Variants in UNC13C observed in about 807,000 individuals in gnomAD.
UNC13C encodes protein unc-13 homolog C.
UNC13C carries 174 observed loss-of-function variants against 245.4 expected under a neutral mutation model. The ratio of observed to expected loss-of-function variants is 0.71; its 90% CI spans 0.63 to 0.80. The LOEUF (loss-of-function observed/expected upper bound fraction) is 0.80, where lower values mean the gene tolerates loss of function less well. Ranked by LOEUF, UNC13C falls within the 30% of genes least tolerant of loss-of-function variation. UNC13C has a pLI of 0.00. For missense variants in UNC13C, 2,829 were observed against 2,602.9 expected (o/e 1.09, Z -1.89); for synonymous variants, 992 against 895.1 (o/e 1.11, Z -1.93).
At chr15:53,932,098 C>T in the UNC13C span, among the ~76,000 whole-genome samples, 1 of 152,060 alleles carries the variant, frequency 6.6e-6, no homozygotes, top group African/African-American at 2.4e-5. Context: ...ATCATAAAGT[C>T]AAGAGATTGA....
chr15:53,962,169 G>A, the UNC13C span, among the ~76,000 whole-genome samples: 1 of 152,052 alleles, frequency 6.6e-6, no homozygotes, highest in Non-Finnish European at 1.5e-5. Context: ...ATTCCTGCTT[G>A]TATTTTGTTT....
intron 2 of UNC13C, among the ~76,000 whole-genome samples, chr15:54,041,931 G>C (rs1896821975): frequency 6.6e-6 from 1 of 152,188 alleles, no homozygotes. Flanking sequence ...TAGTTGATAA[G>C]ATTTGTGTAA....
At chr15:54,115,974 G>A (rs2030214535) in intron 2 of UNC13C, among the ~76,000 whole-genome samples, 1 of 128,040 alleles carries the variant, frequency 7.8e-6, no homozygotes, top group African/African-American at 2.5e-5. Context: ...ACCTCATTGG[G>A]TTATTTTTAT....
intron 4 of UNC13C, among the ~76,000 whole-genome samples, chr15:54,149,785 A>C (rs2032437754): frequency 6.6e-6 from 1 of 152,254 alleles, no homozygotes; most frequent in African/African-American, 2.4e-5. Flanking sequence ...TTGATTGAGA[A>C]TATGCTAAAC....
the UNC13C span, among the ~76,000 whole-genome samples, chr15:53,944,205 G>T: frequency 6.6e-6 from 1 of 152,038 alleles, no homozygotes; most frequent in Non-Finnish European, 1.5e-5. Context: ...ACTTCAAAAA[G>T]AAAAGAAATT....
chr15:54,238,868 T>C (rs1451865666), intron 7 of UNC13C, among the ~76,000 whole-genome samples: 1 of 152,208 alleles, frequency 6.6e-6, no homozygotes, highest in Non-Finnish European at 1.5e-5. Flanking sequence ...TCCGGCTCAC[T>C]GGAACTCTTG....
intron 2 of UNC13C, among the ~76,000 whole-genome samples, chr15:54,119,843 C>G (rs956472720): frequency 1.2e-4 from 18 of 152,144 alleles, no homozygotes; most frequent in Non-Finnish European, 2.4e-4. Context: ...TCATATCAGC[C>G]ACAACATTCT....
chr15:54,435,989 A>C (rs2140982684), intron 19 of UNC13C, among the ~76,000 whole-genome samples: 1 of 152,194 alleles, frequency 6.6e-6, no homozygotes, highest in African/African-American at 2.4e-5. Context: ...GAAAAAGCTC[A>C]TCATCACTGG....
chr15:54,227,399 A>C (rs11635678), intron 4 of UNC13C, among the ~76,000 whole-genome samples: 81,302 of 151,938 alleles, frequency 0.54, 22,985 homozygotes, highest in African/African-American at 0.71. Flanking sequence ...CCTTTCCACC[A>C]TGGAGCCTGC....
At chr15:54,316,137 G>T (rs1006469566) in intron 13 of UNC13C, among the ~76,000 whole-genome samples, 1 of 151,846 alleles carries the variant, frequency 6.6e-6, no homozygotes, top group African/African-American at 2.4e-5. Flanking sequence ...TTTACTCTAA[G>T]ATTTTGAACT....
At chr15:54,451,063 G>C (rs1891146593) in intron 19 of UNC13C, among the ~76,000 whole-genome samples, 1 of 151,986 alleles carries the variant, frequency 6.6e-6, no homozygotes, top group Non-Finnish European at 1.5e-5. Context: ...TATCATCTCT[G>C]TAAGAGATGT....
chr15:54,305,681 GA>G (rs2037707362), intron 13 of UNC13C, among the ~76,000 whole-genome samples: 1 of 151,958 alleles, frequency 6.6e-6, no homozygotes, highest in South Asian at 2.1e-4. Context: ...CGCAACATTT[GA>G]AGCCTGTCTC....
At chr15:54,344,353 A>G (rs2038809237) in intron 17 of UNC13C, among the ~76,000 whole-genome samples, 2 of 152,314 alleles carry the variant, frequency 1.3e-5, no homozygotes, top group South Asian at 2.1e-4. Flanking sequence ...ACAAAAAGTA[A>G]ATGAATTATG....
At chr15:54,507,314 G>A (rs1465970403) in intron 23 of UNC13C, 120 bp downstream of exon 23, 2 of 669,098 alleles carry the variant, frequency 3.0e-6, no homozygotes, top group Non-Finnish European at 4.9e-6. Flanking sequence ...AAGAAATAAG[G>A]ATCTTAAGAA....
intron 30 of UNC13C, among the ~76,000 whole-genome samples, chr15:54,573,692 G>A (rs1897848757): frequency 6.6e-6 from 1 of 152,180 alleles, no homozygotes; most frequent in Non-Finnish European, 1.5e-5. Flanking sequence ...CCCCTCAGGA[G>A]ACATATGGCA....
rs758665160 is a variant in UNC13C at position 54,013,229 on chromosome 15, C to T, written c.326C>T (p.Thr109Ile). The T allele has an allele frequency of 6.2e-7, 1 of 1,613,710 alleles. No individual in the cohort carries two copies. The highest frequency in any genetic ancestry group is 1.7e-5 in the Admixed American group (1 of 59,884). The change falls in exon 2 of 33, where the codon ACC becomes ATC. Residue 109 changes from threonine (T) to isoleucine (I), a missense_variant. Physicochemically the swap from Thr to Ile is moderately conservative, Grantham distance 89. Transcript: ENST00000260323. ...GGCCTACAAAAGAATGCTAAAGTAA[C>T]CAACAGTGATAATGAGGATCTGCTT... ...ANGLQKNAKV[T>I]NSDNEDLLQE... is the part of the protein sequence containing the mutation.
In UNC13C at chr15:54,075,455, TTGCAGTGAGCC is replaced by T. The variant is rs1566993399; in HGVS notation, c.2983+59570_2983+59580del. Among the ~76,000 whole-genome samples the T allele has an allele frequency of 9.1e-5, 13 of 143,184 alleles. No homozygotes were observed. The East Asian group carries it at 2.8e-3, about 31-fold the overall frequency. The allele number at this position is 143,184 out of a possible 152,430, so 93.9% of individuals were successfully genotyped here. On this transcript the variant is annotated intron_variant, in intron 2 of 32. Transcript: ENST00000260323. ...GCCGGAGCTTGCAGTGAGCCGGAGC[TTGCAGTGAGCC>T]GGAGCTTGCAGTGAGCCGGAGCTTG...
intron 2 of UNC13C, among the ~76,000 whole-genome samples, chr15:54,070,791 G>T (rs932749789): frequency 2.6e-5 from 4 of 152,014 alleles, no homozygotes; most frequent in African/African-American, 9.7e-5. Flanking sequence ...TCAAGATAAG[G>T]AAAGTGAAAT....
chr15:54,524,204 T>C (rs1398930300), intron 24 of UNC13C, among the ~76,000 whole-genome samples: 1 of 149,706 alleles, frequency 6.7e-6, no homozygotes, highest in Non-Finnish European at 1.5e-5. Context: ...GTTAATTTTC[T>C]CACTCTTATA....
Sources: allele counts gnomAD v4.1 joint callset (sites outside exome capture counted in the v4.1 genomes callset), GRCh38; gene constraint gnomAD v4.1.1; transcripts MANE v1.5; gene names NCBI Gene and HGNC (gene_info 2026-07-23, HGNC 2026-07-21).